CDKL1: variants seen among roughly 807,000 people sequenced by gnomAD.
CDKL1 encodes the protein cyclin-dependent kinase-like 1.
In CDKL1, 41 loss-of-function variants were observed where a neutral mutation model predicts 42.0. The observed-to-expected ratio is 0.98, with a 90% confidence interval of 0.76 to 1.27. CDKL1 has a LOEUF of 1.27. Ranked by LOEUF, CDKL1 falls within the 50% of genes most tolerant of loss-of-function variation. The pLI is 0.00. For missense variants in CDKL1, 394 were observed against 428.4 expected (o/e 0.92, Z 0.71); for synonymous variants, 153 against 158.6 (o/e 0.96, Z 0.26).
intron 2 of CDKL1, among the ~76,000 whole-genome samples, chr14:50,376,755 G>A (rs1194166915): frequency 6.6e-6 from 1 of 152,096 alleles, no homozygotes; most frequent in Non-Finnish European, 1.5e-5. Context: ...TGAGCCCTCT[G>A]CTCTGCTGGA....
rs188259074 is a variant in CDKL1 at position 50,330,513 on chromosome 14, C to T, written c.967-332G>A. On this transcript the variant is annotated intron_variant, in intron 9 of 9. Coordinates refer to ENST00000395834, the MANE Select transcript of CDKL1 (RefSeq NM_004196.7). Reference sequence around the variant, plus strand: ...TCTTAGGGATCATTTAAGCCAATGCCTTGTCTTATAGCGGAGAAAACTGAT... The same window carrying T: ...TCTTAGGGATCATTTAAGCCAATGCTTTGTCTTATAGCGGAGAAAACTGAT... The T allele has an allele frequency of 3.6e-4, 90 of 249,332 alleles. 1 individual carries two copies. Among genetic ancestry groups the T allele is most frequent in the African/African-American group, 1.9e-3 (82 of 42,468 alleles). 15.4% of individuals were successfully genotyped at this position (249,332 alleles called of 1,614,324 possible).
chr14:50,332,520 C>A, intron 8 of CDKL1, 88 bp from the exon 9 acceptor site: 1 of 1,512,160 alleles, frequency 6.6e-7, no homozygotes, highest in South Asian at 1.3e-5. Flanking sequence ...AAAGATGAAA[C>A]TTCAGTTGCA....
intron 7 of CDKL1, chr14:50,335,689 G>C (rs2033231203): frequency 1.4e-6 from 2 of 1,480,088 alleles, no homozygotes; most frequent in Admixed American, 2.2e-5. Context: ...CAAAATAAGT[G>C]ACTGCAGTGC....
intron 3 of CDKL1, chr14:50,357,375 G>A (rs1397827097): frequency 6.6e-6 from 1 of 152,172 alleles, no homozygotes; most frequent in African/African-American, 2.4e-5. Context: ...TGAAAGAGTT[G>A]TTGGAGGAGC....
intron 2 of CDKL1, among the ~76,000 whole-genome samples, chr14:50,393,349 A>G (rs1343414008): frequency 6.6e-6 from 1 of 152,266 alleles, no homozygotes; most frequent in Non-Finnish European, 1.5e-5. Context: ...GACAGGGTGT[A>G]CAACTTTGCA....
rs573218419 is a variant in CDKL1 at position 50,328,778 on chromosome 14, C to G, written c.*1296G>C. On this transcript the variant is annotated 3_prime_UTR_variant, in exon 10 of 10. Coordinates refer to ENST00000395834, the MANE Select transcript of CDKL1 (RefSeq NM_004196.7). ...GCCAAGGCGCTCAGATCACGTGAGCCCAGGAGTTCAAGACCAGCCTGGGGA... is the reference window on the plus strand; with the variant it reads ...GCCAAGGCGCTCAGATCACGTGAGCGCAGGAGTTCAAGACCAGCCTGGGGA... 1.3e-5 allele frequency: 2 copies of G among 151,900 alleles called. No individual in the cohort carries two copies. The highest frequency in any genetic ancestry group is 3.9e-4 in the East Asian group (2 of 5,166). 9.4% of individuals were successfully genotyped at this position (151,900 alleles called of 1,614,324 possible).
intron 3 of CDKL1, among the ~76,000 whole-genome samples, chr14:50,353,059 T>C (rs1009490449): frequency 6.6e-6 from 1 of 152,242 alleles, no homozygotes; most frequent in Non-Finnish European, 1.5e-5. Flanking sequence ...AGATAAAACA[T>C]AGAGTCAGTC....
chr14:50,381,373 G>A (rs2034902138), intron 2 of CDKL1, among the ~76,000 whole-genome samples: 1 of 152,168 alleles, frequency 6.6e-6, no homozygotes, highest in South Asian at 2.1e-4. Context: ...AATCAGGCTC[G>A]AGCAGGTCTG....
intron 6 of CDKL1, 108 bp downstream of exon 6, chr14:50,340,924 A>C (rs1335439011): frequency 8.6e-7 from 1 of 1,166,998 alleles, no homozygotes. Context: ...CCTCTTTCCT[A>C]ACTAATGCCT....
intron 2 of CDKL1, among the ~76,000 whole-genome samples, chr14:50,365,865 G>A (rs1223362434): frequency 1.3e-5 from 2 of 152,156 alleles, no homozygotes; most frequent in African/African-American, 4.8e-5. Flanking sequence ...TCTTTCTCCC[G>A]TGCTGGATGC....
intron 2 of CDKL1, chr14:50,390,218 C>A (rs371914002): frequency 7.3e-6 from 10 of 1,364,878 alleles, no homozygotes; most frequent in Non-Finnish European, 7.8e-6. Flanking sequence ...AATGTCCCAG[C>A]TGCTGCTTTC....
intron 3 of CDKL1, among the ~76,000 whole-genome samples, chr14:50,348,898 C>T (rs1347822203): frequency 6.6e-6 from 1 of 152,086 alleles, no homozygotes; most frequent in Non-Finnish European, 1.5e-5. Flanking sequence ...GAAATAAGAA[C>T]AGGATACTAC....
At chr14:50,335,506 G>A in intron 7 of CDKL1, 1 of 1,536,028 alleles carries the variant, frequency 6.5e-7, no homozygotes, top group Non-Finnish European at 8.7e-7. Flanking sequence ...ATCTCCTTTT[G>A]GCCGTATAAG....
rs530130228 is a variant in CDKL1, at chr14:50,372,015, GAGGGAGGCCA to G, written c.169-12876_169-12867del. ...GGACTTTGGACACCACTGAGCATAG[GAGGGAGGCCA>G]AGGGAGGCCAAGGGAGGCCAAGGAA... On this transcript the variant is annotated intron_variant, in intron 2 of 9. Transcript: ENST00000395834. Among the ~76,000 whole-genome samples, 64 of 152,352 alleles carry G rather than the reference GAGGGAGGCCA, an allele frequency of 4.2e-4. 2 individuals are homozygous for G. The South Asian group carries it at 4.6e-3, about 11-fold the overall frequency.
chr14:50,354,924 A>G (rs892131028), intron 3 of CDKL1, among the ~76,000 whole-genome samples: 7 of 152,212 alleles, frequency 4.6e-5, no homozygotes, highest in Non-Finnish European at 8.8e-5. Context: ...TGAAAAATAT[A>G]AAAGCACAAA....
At chr14:50,333,851 A>G (rs1387486317) in intron 8 of CDKL1, 1 of 151,462 alleles carries the variant, frequency 6.6e-6, no homozygotes, top group Non-Finnish European at 1.5e-5. Flanking sequence ...TTTAGTTGAT[A>G]CCATACCTCA....
At position 50,334,750 on chromosome 14, in the gene CDKL1, C is replaced by A; in HGVS notation, c.739-129G>T. ...GTCCTCCACCCTTTGCCCACCCAAC[C>A]TCCTGCCCAAAACAGTCTCCCTTTG... On this transcript the variant is annotated intron_variant, in intron 7 of 9. Transcript: ENST00000395834. 9.0e-6 allele frequency: 6 copies of A among 665,920 alleles called. No homozygotes were observed. In the South Asian group the frequency reaches 1.1e-4, roughly 12 times the overall value. 41.3% of individuals were successfully genotyped at this position (665,920 alleles called of 1,614,324 possible).
chr14:50,394,410 T>C (rs1285546691), intron 2 of CDKL1, among the ~76,000 whole-genome samples: 3 of 152,232 alleles, frequency 2.0e-5, no homozygotes, highest in African/African-American at 7.2e-5. Flanking sequence ...CAAACCTAAA[T>C]AGAGAAGTTG....
intron 2 of CDKL1, among the ~76,000 whole-genome samples, chr14:50,392,513 G>A (rs888217376): frequency 4.6e-5 from 7 of 150,924 alleles, no homozygotes; most frequent in Non-Finnish European, 1.5e-5. Context: ...GTTCTATGGG[G>A]TTTCCTACCA....
Sources: gnomAD v4.1 joint callset for allele counts (sites outside exome capture counted in the v4.1 genomes callset) on GRCh38, gnomAD v4.1.1 for gene constraint, MANE v1.5 for transcripts, NCBI Gene and HGNC (gene_info 2026-07-23, HGNC 2026-07-21) for gene names.